Variants in CPNE8 observed in about 807,000 individuals in gnomAD.
CPNE8 encodes the protein copine-8.
CPNE8 carries 45 observed loss-of-function variants against 81.5 expected under a neutral mutation model. That is an observed-to-expected ratio of 0.55 (90% CI 0.44 to 0.71). CPNE8 has a LOEUF of 0.71. Ranked by LOEUF, CPNE8 falls within the 30% of genes least tolerant of loss-of-function variation. CPNE8 has a pLI of 0.00. For missense variants in CPNE8, 594 were observed against 672.1 expected, an observed-to-expected ratio of 0.88 and a Z score of 1.28; for synonymous variants, 252 against 226.3, an observed-to-expected ratio of 1.11 and a Z score of -1.02.
chr12:38,722,770 C>T lies in CPNE8; in HGVS notation c.914+1002G>A, dbSNP rs1940598202. Among the ~76,000 whole-genome samples the T allele has an allele frequency of 1.3e-5, 2 of 152,112 alleles. 1 individual carries two copies. Among genetic ancestry groups the T allele is most frequent in the South Asian group, 4.1e-4 (2 of 4,832 alleles). ...GGATGATATGGTCTGGCTCTGTGTC[C>T]TCACCCAAATCTCATCTCAAATTGT... On this transcript the variant is annotated intron_variant, in intron 13 of 19. Transcript: ENST00000331366.
intron 19 of CPNE8, among the ~76,000 whole-genome samples, chr12:38,665,155 T>C (rs1016586812): frequency 1.3e-5 from 2 of 152,190 alleles, no homozygotes; most frequent in Non-Finnish European, 2.9e-5. Flanking sequence ...CCTTTTATAT[T>C]TACAGGTTTC....
In CPNE8 at chr12:38,652,537, A is replaced by G. The variant is rs1222634848; in HGVS notation, c.*1345T>C. The G allele has an allele frequency of 6.6e-6, 1 of 152,602 alleles. No homozygotes were observed. The highest frequency in any genetic ancestry group is 2.4e-5 in the African/African-American group (1 of 41,450). The allele number at this position is 152,602 out of a possible 1,614,324, so 9.5% of individuals were successfully genotyped here. On this transcript the variant is annotated 3_prime_UTR_variant, in exon 20 of 20. Coordinates refer to ENST00000331366, the MANE Select transcript of CPNE8 (RefSeq NM_153634.3). ...AGAAAACAATGTACAGTAGAAATAA[A>G]CCAAGTATTAAATAGAATATATAGG...
chr12:38,858,452 G>A (rs1943780473), intron 3 of CPNE8, among the ~76,000 whole-genome samples: 1 of 152,192 alleles, frequency 6.6e-6, no homozygotes, highest in South Asian at 2.1e-4. Context: ...TAGGCAATGT[G>A]CCAAAGTAGC....
At position 38,839,962 on chromosome 12, in the gene CPNE8, G is replaced by T; in HGVS notation, c.291-7C>A. On this transcript the variant is annotated splice_region_variant and splice_polypyrimidine_tract_variant and intron_variant, in intron 4 of 19. Transcript: ENST00000331366. Reference sequence around the variant, plus strand: ...CTTTGAATCAACATCATACCTAAAAGATTGAAATATAAAACTCAAATTATT... The same window carrying T: ...CTTTGAATCAACATCATACCTAAAATATTGAAATATAAAACTCAAATTATT... 1 of 1,577,120 alleles carries T rather than the reference G, an allele frequency of 6.3e-7. No homozygotes were observed.
chr12:38,792,165 C>A (rs549821430), intron 6 of CPNE8, among the ~76,000 whole-genome samples: 3 of 151,230 alleles, frequency 2.0e-5, no homozygotes, highest in East Asian at 1.9e-4. Flanking sequence ...TAACTTTATA[C>A]CTCAAAGAAC....
intron 6 of CPNE8, among the ~76,000 whole-genome samples, chr12:38,821,672 T>C (rs1565635173): frequency 6.6e-6 from 1 of 152,208 alleles, no homozygotes; most frequent in Non-Finnish European, 1.5e-5. Flanking sequence ...TTTACAATCC[T>C]TTCCATCCAG....
intron 7 of CPNE8, among the ~76,000 whole-genome samples, chr12:38,772,081 A>C (rs1437478462): frequency 6.6e-6 from 1 of 152,134 alleles, no homozygotes; most frequent in Non-Finnish European, 1.5e-5. Context: ...TCTCAGAATG[A>C]GTTCATTCTA....
At chr12:38,667,987 C>T (rs920878241) in intron 19 of CPNE8, among the ~76,000 whole-genome samples, 21 of 152,130 alleles carry the variant, frequency 1.4e-4, no homozygotes, top group South Asian at 2.1e-4. Flanking sequence ...TTAGTAGAGA[C>T]GGGGTTTCAC....
At chr12:38,710,288 A>AAAAAC (rs1555145903) in intron 13 of CPNE8, among the ~76,000 whole-genome samples, 1 of 148,100 alleles carries the variant, frequency 6.8e-6, no homozygotes, top group Non-Finnish European at 1.5e-5. Flanking sequence ...AAAAAAAAAA[A>AAAAAC]CCAACCCCAA....
chr12:38,788,634 G>T (rs1942253112), intron 6 of CPNE8, among the ~76,000 whole-genome samples: 1 of 151,578 alleles, frequency 6.6e-6, no homozygotes, highest in Non-Finnish European at 1.5e-5. Context: ...CAAGAGAAAG[G>T]TATAGAAGGC....
chr12:38,807,018 A>G (rs551787311), intron 6 of CPNE8, among the ~76,000 whole-genome samples: 2 of 152,086 alleles, frequency 1.3e-5, no homozygotes, highest in South Asian at 2.1e-4. Context: ...CAAAGAGAAT[A>G]AAATACCTAG....
intron 6 of CPNE8, among the ~76,000 whole-genome samples, chr12:38,797,025 G>C (rs1942498249): frequency 6.6e-6 from 1 of 152,182 alleles, no homozygotes; most frequent in South Asian, 2.1e-4. Flanking sequence ...GGCTTGCTTA[G>C]GTAAACAAAG....
intron 16 of CPNE8, among the ~76,000 whole-genome samples, chr12:38,682,049 G>A (rs560778233): frequency 7.9e-5 from 12 of 151,874 alleles, no homozygotes; most frequent in East Asian, 7.8e-4. Context: ...GCGAAACCCC[G>A]TCTCTTCTAA....
chr12:38,887,045 T>A (rs1028055118), intron 1 of CPNE8, among the ~76,000 whole-genome samples: 10 of 151,916 alleles, frequency 6.6e-5, no homozygotes, highest in Non-Finnish European at 1.2e-4. Context: ...ATCTGGTAAA[T>A]CAAGAGAGAC....
rs756077802 is a variant in CPNE8 at position 38,693,723 on chromosome 12, C to T, written c.1077G>A (p.Met359Ile). The stretch of plus-strand genomic sequence containing the variant: ...TTGCACCAAATCCTAGAGCTGGAAA[C>T]ATTTTATCACTGTCATAATCTTGAA... The part of the protein sequence containing the change: ...EIVQDYDSDK[M>I]FPALGFGAKL... Residue 359 changes from methionine to isoleucine, a missense_variant, in exon 15 of 20, where the codon ATG becomes ATA. Physicochemically the swap from Met to Ile is conservative, Grantham distance 10 (BLOSUM62 1). Transcript: ENST00000331366. 3 of 1,613,622 alleles carry T rather than the reference C, an allele frequency of 1.9e-6. No homozygotes were observed. In the East Asian group the frequency reaches 6.7e-5, roughly 36 times the overall value.
At chr12:38,689,467 G>T (rs148554731) in intron 15 of CPNE8, among the ~76,000 whole-genome samples, 1 of 152,168 alleles carries the variant, frequency 6.6e-6, no homozygotes, top group African/African-American at 2.4e-5. Context: ...AGGGGCTGTT[G>T]CTCTACTCTG....
intron 4 of CPNE8, among the ~76,000 whole-genome samples, chr12:38,842,858 C>T (rs371446305): frequency 2.6e-5 from 4 of 152,072 alleles, no homozygotes; most frequent in Admixed American, 2.0e-4. Context: ...GGATTACAGG[C>T]GTGAGCCACC....
chr12:38,787,982 A>AT (rs1451228716), intron 6 of CPNE8, among the ~76,000 whole-genome samples: 1 of 149,890 alleles, frequency 6.7e-6, no homozygotes, highest in African/African-American at 2.4e-5. Context: ...GAAAAAAAAA[A>AT]AAAAAAAAAG....
chr12:38,833,619 C>A (rs1421429871), intron 5 of CPNE8, among the ~76,000 whole-genome samples: 6 of 151,450 alleles, frequency 4.0e-5, no homozygotes, highest in Admixed American at 1.3e-4. Flanking sequence ...GCTGGGACTA[C>A]AGGCACTCGT....
Sources: allele counts gnomAD v4.1 joint callset (sites outside exome capture counted in the v4.1 genomes callset), GRCh38; gene constraint gnomAD v4.1.1; transcripts MANE v1.5; gene names NCBI Gene and HGNC (gene_info 2026-07-23, HGNC 2026-07-21).